Variants in TMTC4 observed in about 807,000 individuals in gnomAD.
TMTC4 encodes the protein protein O-mannosyl-transferase TMTC4.
In TMTC4, 65 loss-of-function variants were observed where a neutral mutation model predicts 86.0. That is an observed-to-expected ratio of 0.76 (90% CI 0.62 to 0.93). The LOEUF is 0.93. Among genes scored for constraint, TMTC4 ranks in the 40% least tolerant of loss-of-function variants. The probability of loss-of-function intolerance (pLI) is 0.00; values close to 1 mark genes in which losing one functional copy is unlikely to be tolerated. For synonymous variants in TMTC4, 379 were observed against 382.5 expected (o/e 0.99, Z 0.11); for missense variants, 866 against 948.1 (o/e 0.91, Z 1.14).
At chr13:100,618,253 T>C (rs1418004790) in intron 15 of TMTC4, among the ~76,000 whole-genome samples, 1 of 152,188 alleles carries the variant, frequency 6.6e-6, no homozygotes, top group Non-Finnish European at 1.5e-5. Flanking sequence ...TGCAGGGTTT[T>C]CTAGGTGTCG....
intron 15 of TMTC4, among the ~76,000 whole-genome samples, chr13:100,622,857 A>C (rs1879754842): frequency 1.3e-5 from 2 of 152,148 alleles, no homozygotes; most frequent in South Asian, 4.1e-4. Context: ...TATATTTCTA[A>C]CACAAGCATT....
chr13:100,642,552 T>C (rs1883160006), intron 6 of TMTC4, among the ~76,000 whole-genome samples: 1 of 152,118 alleles, frequency 6.6e-6, no homozygotes, highest in African/African-American at 2.4e-5. Flanking sequence ...GGCACTGTCA[T>C]GAAGCCCTGG....
At chr13:100,606,330 C>T (rs772757871) in intron 18 of TMTC4, 28 bp downstream of exon 18, 1 of 1,604,720 alleles carries the variant, frequency 6.2e-7, no homozygotes, top group Admixed American at 1.7e-5. Flanking sequence ...AAAATTTCAA[C>T]ACGATTCAAG....
chr13:100,607,381 G>A (rs1566552547), intron 17 of TMTC4, among the ~76,000 whole-genome samples: 1 of 152,130 alleles, frequency 6.6e-6, no homozygotes, highest in Non-Finnish European at 1.5e-5. Context: ...GCCGGGTGTG[G>A]TAGTACGTGC....
chr13:100,620,499 T>C (rs1879310663), intron 15 of TMTC4, among the ~76,000 whole-genome samples: 1 of 152,164 alleles, frequency 6.6e-6, no homozygotes, highest in Admixed American at 6.5e-5. Flanking sequence ...TTCCCTTTAA[T>C]CTCTGAGTTC....
chr13:100,628,112 TA>T (rs1392601576), intron 12 of TMTC4, among the ~76,000 whole-genome samples: 1 of 152,140 alleles, frequency 6.6e-6, no homozygotes, highest in Non-Finnish European at 1.5e-5. Flanking sequence ...CAGCCTTGTT[TA>T]GGGGTACAGG....
At chr13:100,632,402 G>C (rs1881568622) in intron 12 of TMTC4, among the ~76,000 whole-genome samples, 1 of 152,166 alleles carries the variant, frequency 6.6e-6, no homozygotes. Context: ...ATGAATTATA[G>C]AGCCTCTGTA....
chr13:100,662,398 C>T (rs1226975354), intron 5 of TMTC4, among the ~76,000 whole-genome samples: 1 of 151,968 alleles, frequency 6.6e-6, no homozygotes, highest in East Asian at 2.0e-4. Context: ...ACTTGCTCCT[C>T]ACCCTGGATA....
chr13:100,658,476 T>TA (rs1386105242), intron 5 of TMTC4, among the ~76,000 whole-genome samples: 2 of 151,018 alleles, frequency 1.3e-5, no homozygotes, highest in Non-Finnish European at 3.0e-5. Context: ...GAGAAAGCAA[T>TA]AAAAGCCAAT....
intron 13 of TMTC4, 83 bp from the exon 14 acceptor site, chr13:100,625,975 T>C: frequency 2.5e-6 from 4 of 1,594,324 alleles, no homozygotes; most frequent in South Asian, 1.1e-5. Flanking sequence ...GGTAAAGATA[T>C]TGTAAAGTTG....
chr13:100,609,903 A>G (rs932359994), intron 17 of TMTC4, among the ~76,000 whole-genome samples: 10 of 152,186 alleles, frequency 6.6e-5, no homozygotes, highest in Admixed American at 6.5e-5. Flanking sequence ...AGGTGCTTAG[A>G]GCCACGCAGA....
At chr13:100,639,740 G>C (rs1053309563) in intron 7 of TMTC4, among the ~76,000 whole-genome samples, 4 of 152,078 alleles carry the variant, frequency 2.6e-5, no homozygotes, top group African/African-American at 9.7e-5. Flanking sequence ...AGGAGTTCGA[G>C]ACCAGCCTGG....
At chr13:100,664,718 G>A (rs1489179619) in intron 3 of TMTC4, among the ~76,000 whole-genome samples, 5 of 152,094 alleles carry the variant, frequency 3.3e-5, no homozygotes. Flanking sequence ...TCATCTCCCA[G>A]CTGCCTGGCT....
At chr13:100,674,979 G>A (rs1363231437), upstream of TMTC4, 1 of 985,594 alleles carries the variant, frequency 1.0e-6, no homozygotes, top group Non-Finnish European at 1.2e-6. Context: ...CCACAGCCAA[G>A]TCCCTCCTCA....
chr13:100,616,212 GT>G (rs956102253), intron 15 of TMTC4, among the ~76,000 whole-genome samples: 1 of 150,774 alleles, frequency 6.6e-6, no homozygotes, highest in Non-Finnish European at 1.5e-5. Flanking sequence ...GCATGTTTTG[GT>G]TTTTTTTTGA....
At chr13:100,606,252 G>T in intron 18 of TMTC4, 106 bp downstream of exon 18, 1 of 927,130 alleles carries the variant, frequency 1.1e-6, no homozygotes, top group Non-Finnish European at 1.7e-6. Context: ...TTAAAGCCAG[G>T]CTAGCTTTGA....
intron 12 of TMTC4, among the ~76,000 whole-genome samples, chr13:100,633,914 C>CG (rs1326555578): frequency 6.6e-6 from 1 of 152,100 alleles, no homozygotes; most frequent in African/African-American, 2.4e-5. Flanking sequence ...CTGAAGCAGA[C>CG]GGATCACTTG....
At chr13:100,640,446 A>T (rs1192841816) in intron 7 of TMTC4, among the ~76,000 whole-genome samples, 1 of 152,242 alleles carries the variant, frequency 6.6e-6, no homozygotes, top group Non-Finnish European at 1.5e-5. Flanking sequence ...TTGCTAGCTT[A>T]ATCTTAATAG....
chr13:100,636,502 TG>T (rs751041691), intron 10 of TMTC4, 29 bp downstream of exon 10: 4 of 1,613,122 alleles, frequency 2.5e-6, no homozygotes, highest in Non-Finnish European at 2.5e-6. Context: ...TCAACCAGCG[TG>T]GAACTTAAGA....
Sources: gnomAD v4.1 joint callset for allele counts (sites outside exome capture counted in the v4.1 genomes callset) on GRCh38, gnomAD v4.1.1 for gene constraint, MANE v1.5 for transcripts, NCBI Gene and HGNC (gene_info 2026-07-23, HGNC 2026-07-21) for gene names.